Variants in AHR observed in about 807,000 individuals in gnomAD.
AHR encodes the protein AH-receptor.
In AHR, 40 loss-of-function variants were observed where a neutral mutation model predicts 86.8. The ratio of observed to expected loss-of-function variants is 0.46; its 90% CI spans 0.36 to 0.60. The LOEUF is 0.60. Among genes scored for constraint, AHR ranks in the 20% least tolerant of loss-of-function variants. AHR has a pLI of 0.00. For synonymous variants in AHR, 398 were observed against 354.9 expected (o/e 1.12, Z -1.37); for missense variants, 1,001 against 1,011.6 (o/e 0.99, Z 0.14).
At chr7:17,309,488 T>C (rs1419976084) in intron 1 of AHR, among the ~76,000 whole-genome samples, 1 of 152,226 alleles carries the variant, frequency 6.6e-6, no homozygotes, top group Non-Finnish European at 1.5e-5. Flanking sequence ...ATACTTTATT[T>C]AGGGTTGTCC....
chr7:17,304,762 T>G (rs1212507257), intron 1 of AHR, among the ~76,000 whole-genome samples: 1 of 152,136 alleles, frequency 6.6e-6, no homozygotes, highest in Admixed American at 6.6e-5. Flanking sequence ...TCTTTGAAAC[T>G]ACCAGAGCTT....
chr7:17,330,637 AT>A, intron 5 of AHR, 118 bp from the exon 6 acceptor site: 16 of 865,272 alleles, frequency 1.8e-5, no homozygotes, highest in South Asian at 4.3e-5. Context: ...TTTGAAAATG[AT>A]TTTTTTGTAT....
At position 17,334,867 on chromosome 7, in the gene AHR, C is replaced by T. The variant is rs571785328; in HGVS notation, c.909-20C>T. 3.9e-6 allele frequency: 6 copies of T among 1,538,314 alleles called. No homozygotes were observed. The African/African-American group carries it at 5.5e-5, about 14-fold the overall frequency. ...TAAATCTTAATCCATTCTTATTTTA[C>T]CTTTTTTTATTTTAAACAGAGGAAG... On this transcript the variant is annotated intron_variant, in intron 7 of 10. Coordinates refer to ENST00000242057, the MANE Select transcript of AHR (RefSeq NM_001621.5).
rs908053629 is a variant in AHR, at chr7:17,329,953, C to T, written c.452C>T (p.Ser151Phe). ...TIQDYLGFQQ[S>F]DVIHQSVYEL... ...ATTCCTTGTATCTTTTTTCTTTAGTCTGATGTCATACATCAGAGTGTATAT... is the reference window on the plus strand; with the variant it reads ...ATTCCTTGTATCTTTTTTCTTTAGTTTGATGTCATACATCAGAGTGTATAT... The change falls in exon 5 of 11, where the codon TCT becomes TTT. Residue 151 changes from serine (S) to phenylalanine (F), a missense_variant and splice_region_variant. Ser to Phe is a radical substitution (Grantham distance 155). Coordinates refer to ENST00000242057, the MANE Select transcript of AHR (RefSeq NM_001621.5). The T allele has an allele frequency of 3.1e-6, 5 of 1,601,888 alleles. No homozygotes were observed. The highest frequency in any genetic ancestry group is 1.1e-5 in the South Asian group (1 of 89,208).
chr7:17,342,543 A>C (rs1020917754), intron 10 of AHR, among the ~76,000 whole-genome samples: 2 of 152,146 alleles, frequency 1.3e-5, no homozygotes, highest in African/African-American at 4.8e-5. Context: ...TGATACCTAT[A>C]ACTTCAAACC....
At chr7:17,325,799 G>A (rs1190192461) in intron 3 of AHR, among the ~76,000 whole-genome samples, 1 of 152,170 alleles carries the variant, frequency 6.6e-6, no homozygotes, top group African/African-American at 2.4e-5. Flanking sequence ...TTTAGAGGCT[G>A]CAGGGTGGGA....
At chr7:17,317,119 T>TTTG (rs1782123159) in intron 2 of AHR, among the ~76,000 whole-genome samples, 2 of 149,690 alleles carry the variant, frequency 1.3e-5, no homozygotes, top group Non-Finnish European at 3.0e-5. Context: ...GAATTTTGTT[T>TTTG]TTTTTTTTTT....
chr7:17,303,814 C>T (rs1390313300), intron 1 of AHR, among the ~76,000 whole-genome samples: 1 of 151,974 alleles, frequency 6.6e-6, no homozygotes, highest in Non-Finnish European at 1.5e-5. Context: ...TGAACCAAAT[C>T]GTACACTCCA....
intron 2 of AHR, among the ~76,000 whole-genome samples, chr7:17,322,180 AGTGTTGTG>A (rs1383054235): frequency 1.3e-5 from 2 of 152,004 alleles, no homozygotes; most frequent in Admixed American, 1.3e-4. Flanking sequence ...TGTTTGTAAC[AGTGTTGTG>A]CAGTTCTTTG....
At chr7:17,317,122 T>TG (rs1242811534) in intron 2 of AHR, among the ~76,000 whole-genome samples, 2 of 149,572 alleles carry the variant, frequency 1.3e-5, no homozygotes, top group Non-Finnish European at 3.0e-5. Flanking sequence ...TTTTGTTTTT[T>TG]TTTTTTTTTT....
At chr7:17,299,878 C>T (rs1781937117) in intron 1 of AHR, among the ~76,000 whole-genome samples, 1 of 152,182 alleles carries the variant, frequency 6.6e-6, no homozygotes, top group South Asian at 2.1e-4. Flanking sequence ...ACTTATTTGG[C>T]AGCAATTTTG....
intron 2 of AHR, among the ~76,000 whole-genome samples, chr7:17,315,427 A>G (rs1237170359): frequency 6.6e-6 from 1 of 152,006 alleles, no homozygotes; most frequent in African/African-American, 2.4e-5. Context: ...ATCATATATT[A>G]TGTATTTTGC....
intron 1 of AHR, among the ~76,000 whole-genome samples, chr7:17,301,280 T>A (rs970743664): frequency 6.6e-6 from 1 of 152,056 alleles, no homozygotes; most frequent in Non-Finnish European, 1.5e-5. Flanking sequence ...TTTACCTGAA[T>A]GAAAAATTGT....
At chr7:17,325,884 AC>A (rs1358434823) in intron 3 of AHR, among the ~76,000 whole-genome samples, 2 of 152,198 alleles carry the variant, frequency 1.3e-5, no homozygotes, top group African/African-American at 4.8e-5. Flanking sequence ...AATCTGTACA[AC>A]AAACCCTCAT....
At chr7:17,303,826 G>A (rs1027964356) in intron 1 of AHR, among the ~76,000 whole-genome samples, 3 of 152,032 alleles carry the variant, frequency 2.0e-5, no homozygotes, top group African/African-American at 7.2e-5. Flanking sequence ...TACACTCCAA[G>A]AGATAGTATC....
At chr7:17,318,784 TTAA>T (rs1331832451) in intron 2 of AHR, among the ~76,000 whole-genome samples, 1 of 152,196 alleles carries the variant, frequency 6.6e-6, no homozygotes, top group Non-Finnish European at 1.5e-5. Context: ...GAACAATGCA[TTAA>T]TAACATGAAC....
At chr7:17,336,038 C>T (rs746822609) in intron 9 of AHR, 18 of 328,884 alleles carry the variant, frequency 5.5e-5, no homozygotes, top group African/African-American at 8.7e-5. Context: ...ATGAAAGACA[C>T]ATGAAAAGCT....
At chr7:17,299,363 C>A in intron 1 of AHR, 34 bp downstream of exon 1, 2 of 1,607,228 alleles carry the variant, frequency 1.2e-6, no homozygotes, top group Non-Finnish European at 1.7e-6. Flanking sequence ...ATCGCGGGGG[C>A]TGGGCGCTCA....
chr7:17,337,505 C>T (rs866864357), intron 9 of AHR, among the ~76,000 whole-genome samples: 22 of 143,486 alleles, frequency 1.5e-4, no homozygotes, highest in African/African-American at 2.6e-4. Context: ...GATGGAGTCT[C>T]GCTCTGTCGC....
Sources: allele counts gnomAD v4.1 joint callset (sites outside exome capture counted in the v4.1 genomes callset), GRCh38; gene constraint gnomAD v4.1.1; transcripts MANE v1.5; gene names NCBI Gene and HGNC (gene_info 2026-07-23, HGNC 2026-07-21).